The following CACNA2D3 variants were observed in gnomAD, a reference collection of about 807,000 sequenced individuals.
The protein encoded by CACNA2D3 is calcium voltage-gated channel auxiliary subunit alpha2delta 3, also known as voltage-dependent calcium channel subunit alpha-2/delta-3.
A neutral mutation model predicts 160.6 loss-of-function variants in CACNA2D3; 60 were observed. The ratio of observed to expected loss-of-function variants is 0.37; its 90% CI spans 0.30 to 0.46. The LOEUF is 0.46. Among genes scored for constraint, CACNA2D3 ranks in the 20% least tolerant of loss-of-function variants. CACNA2D3 has a pLI of 1.00. For synonymous variants in CACNA2D3, 558 were observed against 492.9 expected (o/e 1.13, Z -1.75); for missense variants, 1,205 against 1,365.0 (o/e 0.88, Z 1.85).
At chr3:54,592,639 A>C (rs1484331161) in intron 9 of CACNA2D3, among the ~76,000 whole-genome samples, 1 of 151,686 alleles carries the variant, frequency 6.6e-6, no homozygotes, top group Non-Finnish European at 1.5e-5. Context: ...GTGAGGAAGG[A>C]GAATGATATG....
At chr3:55,016,835 A>G (rs1243367553) in intron 34 of CACNA2D3, among the ~76,000 whole-genome samples, 1 of 152,192 alleles carries the variant, frequency 6.6e-6, no homozygotes, top group Admixed American at 6.5e-5. Flanking sequence ...TTAAACCTCA[A>G]TGAAAAGCCT....
chr3:54,367,870 A>G (rs867168191), intron 3 of CACNA2D3, among the ~76,000 whole-genome samples: 1 of 152,168 alleles, frequency 6.6e-6, no homozygotes, highest in Non-Finnish European at 1.5e-5. Flanking sequence ...CGCATGGCCT[A>G]GAGCCTTGCC....
intron 11 of CACNA2D3, among the ~76,000 whole-genome samples, chr3:54,652,002 A>G (rs1404157178): frequency 6.6e-6 from 1 of 152,018 alleles, no homozygotes; most frequent in Non-Finnish European, 1.5e-5. Flanking sequence ...AAATCATTTT[A>G]CAAAGCATTT....
At chr3:55,010,022 T>C (rs1703175698) in intron 34 of CACNA2D3, among the ~76,000 whole-genome samples, 1 of 152,084 alleles carries the variant, frequency 6.6e-6, no homozygotes, top group South Asian at 2.1e-4. Flanking sequence ...CTAAGCACAA[T>C]GGGGAAAAAT....
chr3:54,411,855 TAC>T (rs1413089386), intron 4 of CACNA2D3, among the ~76,000 whole-genome samples: 2 of 152,222 alleles, frequency 1.3e-5, no homozygotes, highest in African/African-American at 4.8e-5. Flanking sequence ...GATGTTCATT[TAC>T]ACAAACTGCT....
chr3:54,348,219 C>T (rs1430488711), intron 3 of CACNA2D3, among the ~76,000 whole-genome samples: 1 of 152,156 alleles, frequency 6.6e-6, no homozygotes, highest in East Asian at 1.9e-4. Flanking sequence ...TGAATGGATT[C>T]AACATAGTCA....
At chr3:54,850,247 A>C (rs973386955) in intron 17 of CACNA2D3, among the ~76,000 whole-genome samples, 2 of 152,200 alleles carry the variant, frequency 1.3e-5, no homozygotes, top group Admixed American at 6.5e-5. Context: ...AGACTGATGA[A>C]GTAATCTTCA....
At chr3:54,697,049 G>C (rs1700679307) in intron 11 of CACNA2D3, among the ~76,000 whole-genome samples, 1 of 152,134 alleles carries the variant, frequency 6.6e-6, no homozygotes, top group African/African-American at 2.4e-5. Flanking sequence ...GGCCGAGGCA[G>C]GTGGATCACT....
At chr3:54,463,454 T>C (rs1388584042) in intron 4 of CACNA2D3, among the ~76,000 whole-genome samples, 4 of 152,218 alleles carry the variant, frequency 2.6e-5, no homozygotes, top group Admixed American at 2.6e-4. Context: ...GCCATATTTC[T>C]TGGAGGCTTT....
chr3:54,711,534 C>A (rs1280649428), intron 11 of CACNA2D3, among the ~76,000 whole-genome samples: 1 of 152,182 alleles, frequency 6.6e-6, no homozygotes, highest in Non-Finnish European at 1.5e-5. Context: ...TTCCCTACCC[C>A]CACACAGGCA....
Position 54,885,321 on chromosome 3 carries a change from T to G in CACNA2D3, c.1953T>G (p.Asp651Glu). 1 of 1,613,958 alleles carries G rather than the reference T, an allele frequency of 6.2e-7. No individual in the cohort carries two copies. Residue 651 changes from aspartate to glutamate, a missense_variant, in exon 22 of 38, where the codon GAT (aspartate) becomes GAG (glutamate). Around this residue, in one of 3 missense-constraint regions of CACNA2D3, gnomAD observed 911 missense variants for 1,002.2 expected, o/e 0.91. Transcript: ENST00000474759. ...AACATCCCGATGTGTCCTTGGCAGA[T>G]GAATGGTAAGAATTAAACCATCCCT... ...DLEHPDVSLA[D>E]EWSYCNTDLH... is the part of the protein sequence containing the mutation.
chr3:54,222,407 A>G (rs892797872), intron 2 of CACNA2D3, among the ~76,000 whole-genome samples: 6 of 152,208 alleles, frequency 3.9e-5, no homozygotes, highest in Non-Finnish European at 7.3e-5. Flanking sequence ...GTCCCAGCTC[A>G]AGGCAGTGAG....
At chr3:54,262,388 C>G (rs1317258802) in intron 2 of CACNA2D3, among the ~76,000 whole-genome samples, 1 of 152,104 alleles carries the variant, frequency 6.6e-6, no homozygotes. Flanking sequence ...GAAAACATTT[C>G]CTCCCACGAT....
intron 13 of CACNA2D3, among the ~76,000 whole-genome samples, chr3:54,789,200 C>G (rs912801070): frequency 6.6e-6 from 1 of 152,008 alleles, no homozygotes; most frequent in Admixed American, 6.6e-5. Flanking sequence ...ATTGTTATCC[C>G]TATTTTCAGA....
At chr3:54,844,152 GA>G (rs1413834779) in intron 16 of CACNA2D3, among the ~76,000 whole-genome samples, 2 of 152,156 alleles carry the variant, frequency 1.3e-5, no homozygotes, top group Admixed American at 1.3e-4. Flanking sequence ...AAAGGACAAA[GA>G]TCCTGTGAAA....
intron 3 of CACNA2D3, among the ~76,000 whole-genome samples, chr3:54,385,167 G>A (rs1460252370): frequency 1.3e-5 from 2 of 152,200 alleles, no homozygotes; most frequent in African/African-American, 4.8e-5. Flanking sequence ...TACCTGCAGG[G>A]CTTGTTAGAC....
intron 13 of CACNA2D3, among the ~76,000 whole-genome samples, chr3:54,800,299 C>T (rs963531881): frequency 6.6e-6 from 1 of 152,180 alleles, no homozygotes; most frequent in African/African-American, 2.4e-5. Context: ...GCAGGAAATA[C>T]AAATGCATCC....
chr3:54,246,402 G>A (rs2107415454), intron 2 of CACNA2D3, among the ~76,000 whole-genome samples: 1 of 152,284 alleles, frequency 6.6e-6, no homozygotes, highest in Non-Finnish European at 1.5e-5. Context: ...TAATAAAAGT[G>A]GACCTGGGGG....
intron 35 of CACNA2D3, among the ~76,000 whole-genome samples, chr3:55,041,752 A>C (rs893797628): frequency 6.6e-6 from 1 of 151,986 alleles, no homozygotes; most frequent in East Asian, 1.9e-4. Flanking sequence ...GTGAAAGCTT[A>C]GATCATTATT....
Sources: gnomAD v4.1 joint callset for allele counts (sites outside exome capture counted in the v4.1 genomes callset) on GRCh38, gnomAD v4.1.1 for gene constraint, gnomAD v4.1.1 regional missense constraint, MANE v1.5 for transcripts, NCBI Gene and HGNC (gene_info 2026-07-23, HGNC 2026-07-21) for gene names.